Variants in DCBLD2 observed in about 807,000 individuals in gnomAD.
DCBLD2 encodes discoidin, CUB and LCCL domain-containing protein 2.
A neutral mutation model predicts 86.8 loss-of-function variants in DCBLD2; 54 were observed. The ratio of observed to expected loss-of-function variants is 0.62; its 90% CI spans 0.50 to 0.78. DCBLD2 has a LOEUF of 0.78. Ranked by LOEUF, DCBLD2 falls within the 30% of genes least tolerant of loss-of-function variation. The pLI is 0.00. For missense variants in DCBLD2, 908 were observed against 954.2 expected, an observed-to-expected ratio of 0.95 and a Z score of 0.64; for synonymous variants, 354 against 341.3, an observed-to-expected ratio of 1.04 and a Z score of -0.41.
chr3:98,857,720 G>A (rs575468522), intron 2 of DCBLD2, among the ~76,000 whole-genome samples: 7 of 151,974 alleles, frequency 4.6e-5, no homozygotes, highest in African/African-American at 1.4e-4. Context: ...GGTTCTCCAC[G>A]TCCCCACTAG....
Position 98,879,602 on chromosome 3 carries a change from T to C in DCBLD2, c.433+1938A>G, listed in dbSNP as rs1020609259. 2.6e-5 allele frequency among the ~76,000 whole-genome samples: 4 copies of C among 152,288 alleles called. No homozygotes were observed. In the East Asian group the frequency reaches 7.7e-4, roughly 29 times the overall value. ...CAGGGTTTCACCATGTTAGCCAGGA[T>C]GGTCTCGATCACCTGACCTCGTGAT... On this transcript the variant is annotated intron_variant, in intron 2 of 15. Transcript: ENST00000326840.
chr3:98,890,088 G>A (rs1943632275), intron 1 of DCBLD2, among the ~76,000 whole-genome samples: 2 of 151,996 alleles, frequency 1.3e-5, no homozygotes, highest in Admixed American at 1.3e-4. Flanking sequence ...GTTCAAGACT[G>A]TTGCGGGTTG....
intron 1 of DCBLD2, among the ~76,000 whole-genome samples, chr3:98,891,829 C>T (rs965213340): frequency 2.6e-5 from 4 of 152,166 alleles, no homozygotes; most frequent in African/African-American, 9.7e-5. Context: ...AATACCTACT[C>T]AATGTTATTT....
intron 1 of DCBLD2, chr3:98,900,816 G>A (rs1943833782): frequency 4.6e-6 from 2 of 436,212 alleles, no homozygotes; most frequent in Non-Finnish European, 4.2e-6. Context: ...ACCTCCAAAG[G>A]TTCTTTTTCC....
chr3:98,829,109 CTAAA>C (rs1942277030), intron 3 of DCBLD2, among the ~76,000 whole-genome samples: 1 of 152,124 alleles, frequency 6.6e-6, no homozygotes, highest in Non-Finnish European at 1.5e-5. Flanking sequence ...CTGTACAACT[CTAAA>C]TACACTGAAA....
Position 98,819,267 on chromosome 3 carries a change from G to T in DCBLD2, c.1022C>A (p.Ala341Asp). ...ARLKKPGPPW[A>D]AFATDEYQWL... is the part of the protein sequence containing the mutation. ...CTGGTATTCATCAGTGGCAAAAGCA[G>T]CCCAAGGCGGTCCAGGTTTTTTCAG... Residue 341 changes from alanine to aspartate, a missense_variant, in exon 8 of 16, where the codon GCT (alanine) becomes GAT (aspartate). Around this residue, in one of 3 missense-constraint regions of DCBLD2, gnomAD observed 606 missense variants for 678.5 expected, o/e 0.89. Coordinates refer to ENST00000326840, the MANE Select transcript of DCBLD2 (RefSeq NM_080927.4). The T allele has an allele frequency of 1.2e-6, 2 of 1,611,572 alleles. No individual in the cohort carries two copies. Among genetic ancestry groups the T allele is most frequent in the Non-Finnish European group, 1.7e-6 (2 of 1,178,746 alleles).
chr3:98,819,964 G>A (rs1942089187), intron 7 of DCBLD2, among the ~76,000 whole-genome samples: 1 of 152,172 alleles, frequency 6.6e-6, no homozygotes, highest in Non-Finnish European at 1.5e-5. Context: ...ATAAAGAGAA[G>A]GCACTCAGTA....
intron 2 of DCBLD2, among the ~76,000 whole-genome samples, chr3:98,878,196 T>C (rs986612452): frequency 6.6e-6 from 1 of 152,224 alleles, no homozygotes; most frequent in African/African-American, 2.4e-5. Context: ...AGCAGCATAG[T>C]TACAGTGTAG....
chr3:98,891,359 T>A (rs1409158893), intron 1 of DCBLD2, among the ~76,000 whole-genome samples: 2 of 152,072 alleles, frequency 1.3e-5, no homozygotes, highest in Non-Finnish European at 2.9e-5. Flanking sequence ...TAAACTGACT[T>A]GGCTCTCTCA....
At position 98,799,133 on chromosome 3, in the gene DCBLD2, T is replaced by C. The variant is rs1355790540; in HGVS notation, c.*239A>G. The stretch of plus-strand genomic sequence containing the variant: ...GGAGCTTTTTCTGTATTAAAAATAG[T>C]GTTCTACAGTAGTATCAAACAGGAC... On this transcript the variant is annotated 3_prime_UTR_variant, in exon 16 of 16. Coordinates refer to ENST00000326840, the MANE Select transcript of DCBLD2 (RefSeq NM_080927.4). 2.5e-6 allele frequency: 1 copy of C among 403,162 alleles called. No homozygotes were observed. The highest frequency in any genetic ancestry group is 4.2e-5 in the Admixed American group (1 of 23,992). 25.0% of individuals were successfully genotyped at this position (403,162 alleles called of 1,614,324 possible).
chr3:98,838,035 C>T (rs1343664359), intron 3 of DCBLD2, among the ~76,000 whole-genome samples: 2 of 111,654 alleles, frequency 1.8e-5, no homozygotes, highest in South Asian at 3.3e-4. Flanking sequence ...GGCGGCTGGC[C>T]GGGCGGGGGG....
At chr3:98,820,833 CTT>C (rs1942108421) in intron 6 of DCBLD2, 1 of 148,096 alleles carries the variant, frequency 6.8e-6, no homozygotes, top group South Asian at 2.1e-4. Flanking sequence ...ACACTCCTGC[CTT>C]TAGTCCAACA....
chr3:98,802,842 A>G (rs1941755243), intron 13 of DCBLD2, among the ~76,000 whole-genome samples: 1 of 152,200 alleles, frequency 6.6e-6, no homozygotes, highest in East Asian at 1.9e-4. Context: ...CAGGTTTGTC[A>G]AAGATCAGAT....
At position 98,819,248 on chromosome 3, in the gene DCBLD2, T is replaced by C; in HGVS notation, c.1041A>G (p.Glu347=). ...GPPWAAFATD[E]YQWLQIDLNK... Reference sequence around the variant, plus strand: ...TCAAATCTATTTGTAACCACTGGTATTCATCAGTGGCAAAAGCAGCCCAAG... The same window carrying C: ...TCAAATCTATTTGTAACCACTGGTACTCATCAGTGGCAAAAGCAGCCCAAG... Residue 347 remains glutamate (E), a synonymous_variant, in exon 8 of 16, where the codon GAA becomes GAG. Coordinates refer to ENST00000326840, the MANE Select transcript of DCBLD2 (RefSeq NM_080927.4). 6.2e-7 allele frequency: 1 copy of C among 1,606,582 alleles called. No homozygotes were observed.
intron 1 of DCBLD2, among the ~76,000 whole-genome samples, chr3:98,893,240 G>A (rs760976699): frequency 7.2e-4 from 110 of 151,910 alleles, no homozygotes; most frequent in Non-Finnish European, 1.3e-3. Flanking sequence ...CCCAGCCCTC[G>A]TTACAGTCTA....
At chr3:98,879,752 CCCT>C (rs956739913) in intron 2 of DCBLD2, among the ~76,000 whole-genome samples, 7 of 152,074 alleles carry the variant, frequency 4.6e-5, no homozygotes, top group Admixed American at 3.9e-4. Flanking sequence ...GTTACCTTCC[CCCT>C]CCTCCTATTT....
chr3:98,868,263 C>T (rs1943195104), intron 2 of DCBLD2, among the ~76,000 whole-genome samples: 1 of 152,060 alleles, frequency 6.6e-6, no homozygotes, highest in Admixed American at 6.6e-5. Flanking sequence ...TTCATCCAAA[C>T]AATAGACTAG....
chr3:98,824,136 C>G (rs571636487), intron 4 of DCBLD2, among the ~76,000 whole-genome samples: 2 of 152,034 alleles, frequency 1.3e-5, no homozygotes, highest in South Asian at 2.1e-4. Flanking sequence ...AATGCAGGAG[C>G]CTTGTGGGCT....
chr3:98,846,841 A>G (rs1173243014), intron 3 of DCBLD2, among the ~76,000 whole-genome samples: 1 of 151,970 alleles, frequency 6.6e-6, no homozygotes, highest in Non-Finnish European at 1.5e-5. Context: ...TGTGGGCCAA[A>G]AAGCCTCATA....
Sources: gnomAD v4.1 joint callset for allele counts (sites outside exome capture counted in the v4.1 genomes callset) on GRCh38, gnomAD v4.1.1 for gene constraint, gnomAD v4.1.1 regional missense constraint, MANE v1.5 for transcripts, NCBI Gene and HGNC (gene_info 2026-07-23, HGNC 2026-07-21) for gene names.